Variants in CRYM observed in about 807,000 individuals in gnomAD.
The protein encoded by CRYM is ketimine reductase mu-crystallin.
Under a neutral mutation model 32.9 loss-of-function variants are expected in CRYM, and 18 were observed. The ratio of observed to expected loss-of-function variants is 0.55; its 90% CI spans 0.38 to 0.81. The LOEUF (loss-of-function observed/expected upper bound fraction) is 0.81, where lower values mean the gene tolerates loss of function less well. Ranked by LOEUF, CRYM falls within the 30% of genes least tolerant of loss-of-function variation. The pLI, the probability that CRYM is intolerant of heterozygous loss-of-function variation, is 0.00. For missense variants in CRYM, 337 were observed against 393.5 expected (o/e 0.86, Z 1.21); for synonymous variants, 153 against 152.4 (o/e 1.00, Z -0.03).
rs530823407 is a variant in CRYM, at chr16:21,290,706, A to G, written c.-192-11746T>C. Among the ~76,000 whole-genome samples, 60 of 152,314 alleles carry G rather than the reference A, an allele frequency of 3.9e-4. No homozygotes were observed. In the South Asian group the frequency reaches 0.012, roughly 31 times the overall value. ...AAACATGTTTCTTATTTACTCATAT[A>G]TATTCATAAACTGTTATACATATTT... On this transcript the variant is annotated intron_variant, in intron 1 of 9. Coordinates refer to the CRYM transcript ENST00000219599.
At chr16:21,282,163 G>A (rs1228004323), upstream of CRYM, among the ~76,000 whole-genome samples, 2 of 152,184 alleles carry the variant, frequency 1.3e-5, no homozygotes, top group African/African-American at 2.4e-5. Flanking sequence ...GAGTTGCCCT[G>A]CACAAGCTCT....
chr16:21,260,544 C>T (rs1218624438), intron 7 of CRYM, among the ~76,000 whole-genome samples: 4 of 152,176 alleles, frequency 2.6e-5, no homozygotes, highest in Non-Finnish European at 5.9e-5. Context: ...AAGTGATCTG[C>T]CCACCTTGGC....
intron 1 of CRYM, among the ~76,000 whole-genome samples, chr16:21,291,647 ATTTAACACCCTTT>A (rs1483901411): frequency 1.1e-4 from 17 of 152,158 alleles, no homozygotes; most frequent in African/African-American, 3.9e-4. Flanking sequence ...ACTTGAAAAA[ATTTAACACCCTTT>A]TATGATGAAA....
chr16:21,286,211 A>T (rs1470636453), intron 1 of CRYM, among the ~76,000 whole-genome samples: 2 of 147,338 alleles, frequency 1.4e-5, no homozygotes, highest in East Asian at 2.0e-4. Flanking sequence ...AGACATAGTT[A>T]AAGACAGAAT....
rs552194380 is a variant in CRYM at position 21,290,861 on chromosome 16, G to T, written c.-192-11901C>A. Among the ~76,000 whole-genome samples the T allele has an allele frequency of 9.2e-5, 14 of 151,700 alleles. No individual in the cohort carries two copies. In the South Asian group the frequency reaches 2.7e-3, roughly 29 times the overall value. On this transcript the variant is annotated intron_variant, in intron 1 of 9. Transcript: ENST00000219599. ...AGGCTACATTTCCTATCACATCTTT[G>T]CTTTTTCATTGGTTATATAAAATAA... is the stretch of plus-strand genomic sequence containing the variant.
chr16:21,287,898 T>A (rs1409523199), intron 1 of CRYM, among the ~76,000 whole-genome samples: 1 of 152,210 alleles, frequency 6.6e-6, no homozygotes. Flanking sequence ...GGAACAATTG[T>A]GGGAGTCCTA....
chr16:21,291,871 A>AT (rs1567240974), intron 1 of CRYM, among the ~76,000 whole-genome samples: 1 of 151,424 alleles, frequency 6.6e-6, no homozygotes, highest in Non-Finnish European at 1.5e-5. Context: ...ATGGCCTTTT[A>AT]TTTTTTTCAA....
intron 1 of CRYM, among the ~76,000 whole-genome samples, chr16:21,297,834 T>A (rs1023797310): frequency 2.6e-5 from 4 of 152,088 alleles, no homozygotes; most frequent in African/African-American, 9.7e-5. Flanking sequence ...ATGAAAAAAA[T>A]ATTTTTCAGA....
chr16:21,275,487 C>T (rs1287001881), intron 3 of CRYM, 45 bp downstream of exon 3: 2 of 1,556,166 alleles, frequency 1.3e-6, no homozygotes, highest in South Asian at 2.2e-5. Flanking sequence ...CACCAGACCC[C>T]ACTTGACAGC....
rs1365285180 is a variant in CRYM at position 21,277,028 on chromosome 16, C to A, written c.324+403G>T. 1.3e-5 allele frequency among the ~76,000 whole-genome samples: 2 copies of A among 152,172 alleles called. No homozygotes were observed. Among genetic ancestry groups the A allele is most frequent in the African/African-American group, 4.8e-5 (2 of 41,446 alleles). On this transcript the variant is annotated intron_variant, in intron 2 of 7. Transcript: ENST00000572914. This position sits in a 1 kb window ranked among gnomAD's most constrained non-coding sequence, Gnocchi z 4.2. ...ATATTAAAACAGGTCACACCGTATACCCCTCTGAAGACTCCCAGGGATTAT... is the reference window on the plus strand; with the variant it reads ...ATATTAAAACAGGTCACACCGTATAACCCTCTGAAGACTCCCAGGGATTAT...
intron 1 of CRYM, among the ~76,000 whole-genome samples, chr16:21,288,570 AT>A (rs1799504321): frequency 6.6e-6 from 1 of 151,830 alleles, no homozygotes; most frequent in African/African-American, 2.4e-5. Context: ...CTTTAAAGGG[AT>A]TGTATATTTT....
chr16:21,282,995 T>C (rs2093400799), upstream of CRYM, among the ~76,000 whole-genome samples: 1 of 152,200 alleles, frequency 6.6e-6, no homozygotes, highest in Non-Finnish European at 1.5e-5. Flanking sequence ...AACTTTTTAG[T>C]AATGCAGGGG....
intron 1 of CRYM, among the ~76,000 whole-genome samples, chr16:21,285,574 C>T (rs916795593): frequency 6.6e-6 from 1 of 152,230 alleles, no homozygotes; most frequent in African/African-American, 2.4e-5. Flanking sequence ...TCAATTCCTC[C>T]AAGCAGTCTG....
Position 21,269,792 on chromosome 16 carries a change from C to T in CRYM, c.487G>A (p.Glu163Lys), listed in dbSNP as rs2093371382. Residue 163 changes from glutamate to lysine, a missense_variant and splice_region_variant, in exon 4 of 8, where the codon GAG becomes AAG. Physicochemically the swap from Glu to Lys is moderately conservative, Grantham distance 56 (BLOSUM62 1). Coordinates refer to ENST00000572914, the MANE Select transcript of CRYM (RefSeq NM_001376256.1). ...EIFTEQFSFK[E>K]VRIWNRTKEN... ...CCCACCCCCACCCCTGGACTTACCT[C>T]CTTAAAGGAGAACTGCTCTGTGAAG... 3 of 959,210 alleles carry T rather than the reference C, an allele frequency of 3.1e-6. No homozygotes were observed. Among genetic ancestry groups the T allele is most frequent in the African/African-American group, 3.3e-5 (2 of 59,860 alleles). The allele number at this position is 959,210 out of a possible 1,614,324, so 59.4% of individuals were successfully genotyped here.
intron 1 of CRYM, among the ~76,000 whole-genome samples, chr16:21,292,345 T>C (rs892696366): frequency 6.6e-6 from 1 of 152,054 alleles, no homozygotes; most frequent in African/African-American, 2.4e-5. Context: ...ACATAAAACA[T>C]TTAGGGAAAA....
At chr16:21,299,590 G>A (rs1422938772) in intron 1 of CRYM, among the ~76,000 whole-genome samples, 1 of 152,220 alleles carries the variant, frequency 6.6e-6, no homozygotes, top group Non-Finnish European at 1.5e-5. Flanking sequence ...GATTACAGGC[G>A]TGAGCCACTG....
In CRYM at chr16:21,278,026, C is replaced by T. The variant is rs548828268; in HGVS notation, c.170+56G>A. 2.1e-5 allele frequency: 31 copies of T among 1,511,450 alleles called. No homozygotes were observed. In the East Asian group the frequency reaches 5.9e-4, roughly 29 times the overall value. 93.6% of individuals were successfully genotyped at this position (1,511,450 alleles called of 1,614,324 possible). The stretch of plus-strand genomic sequence containing the variant: ...TCTCCCACCCCTCCTCTTCCTGCTC[C>T]TCCTTTCCCCGCTTTCCAGTTTCTC... On this transcript the variant is annotated intron_variant, in intron 1 of 7. Coordinates refer to ENST00000572914, the MANE Select transcript of CRYM (RefSeq NM_001376256.1).
chr16:21,295,846 C>T (rs924861830), intron 1 of CRYM, among the ~76,000 whole-genome samples: 7 of 151,758 alleles, frequency 4.6e-5, no homozygotes, highest in African/African-American at 1.7e-4. Flanking sequence ...GGAGGAGAAT[C>T]GCTTGAACCC....
intron 4 of CRYM, 33 bp from the exon 5 acceptor site, chr16:21,267,770 C>A (rs375307682): frequency 1.2e-6 from 2 of 1,613,446 alleles, no homozygotes; most frequent in African/African-American, 2.7e-5. Context: ...GATATTGGCG[C>A]CATTTTTTGG....
Sources: allele counts gnomAD v4.1 joint callset (sites outside exome capture counted in the v4.1 genomes callset), GRCh38; gene constraint gnomAD v4.1.1; non-coding constraint Gnocchi (gnomAD v3.1); transcripts MANE v1.5; gene names NCBI Gene and HGNC (gene_info 2026-07-23, HGNC 2026-07-21).